ZFAND3: variants seen among roughly 807,000 people sequenced by gnomAD.
The protein encoded by ZFAND3 is zinc finger AN1-type containing 3.
ZFAND3 carries 10 observed loss-of-function variants against 29.6 expected under a neutral mutation model. That is an observed-to-expected ratio of 0.34 (90% CI 0.21 to 0.57). The LOEUF is 0.57. ZFAND3 is among the 20% of genes least tolerant of loss of function. The probability of loss-of-function intolerance (pLI) is 0.86; values close to 1 mark genes in which losing one functional copy is unlikely to be tolerated. For synonymous variants in ZFAND3, 128 were observed against 112.6 expected (o/e 1.14, Z -0.87); for missense variants, 230 against 304.5 (o/e 0.76, Z 1.82).
chr6:38,121,470 G>A (rs1401762311), intron 5 of ZFAND3, among the ~76,000 whole-genome samples: 2 of 152,188 alleles, frequency 1.3e-5, no homozygotes, highest in East Asian at 3.8e-4. Context: ...CAGATTGTTG[G>A]GACCCACACC....
chr6:38,088,118 G>A (rs748650051), intron 4 of ZFAND3, among the ~76,000 whole-genome samples: 1 of 152,156 alleles, frequency 6.6e-6, no homozygotes, highest in Admixed American at 6.5e-5. Flanking sequence ...AGCAACCTAA[G>A]TATCTACCAA....
intron 1 of ZFAND3, among the ~76,000 whole-genome samples, chr6:37,925,934 C>T (rs1321857158): frequency 6.6e-6 from 1 of 152,132 alleles, no homozygotes; most frequent in East Asian, 1.9e-4. Flanking sequence ...ATTTTTGCAT[C>T]TTTCGTGTAT....
intron 2 of ZFAND3, among the ~76,000 whole-genome samples, chr6:37,975,940 A>T (rs1762469922): frequency 6.6e-6 from 1 of 152,032 alleles, no homozygotes; most frequent in Admixed American, 6.6e-5. Flanking sequence ...TGTGGTTGGG[A>T]TTGCTGTGAA....
intron 1 of ZFAND3, among the ~76,000 whole-genome samples, chr6:37,891,586 AAATAAAT>A (rs201269867): frequency 0.071 from 10,246 of 145,208 alleles, 405 homozygotes; most frequent in Non-Finnish European, 0.086. Context: ...TGGGCTAAAT[AAATAAAT>A]AATAAATAAA....
intron 5 of ZFAND3, among the ~76,000 whole-genome samples, chr6:38,127,359 C>A (rs1267846008): frequency 6.6e-6 from 1 of 152,220 alleles, no homozygotes; most frequent in African/African-American, 2.4e-5. Flanking sequence ...GTCAACAAAG[C>A]TGTGTTCTAA....
intron 2 of ZFAND3, among the ~76,000 whole-genome samples, chr6:38,005,601 A>T (rs1763034885): frequency 6.6e-6 from 1 of 152,180 alleles, no homozygotes; most frequent in South Asian, 2.1e-4. Context: ...GAGCTACCTG[A>T]GAGACTGTTT....
At chr6:38,033,291 G>C (rs1333936371) in intron 2 of ZFAND3, among the ~76,000 whole-genome samples, 2 of 152,056 alleles carry the variant, frequency 1.3e-5, no homozygotes, top group Non-Finnish European at 2.9e-5. Context: ...TCAGGAATAG[G>C]CTGGAAAATA....
chr6:37,947,040 C>T lies in ZFAND3; in HGVS notation c.112+17041C>T, dbSNP rs890901113. 1.8e-4 allele frequency among the ~76,000 whole-genome samples: 28 copies of T among 152,140 alleles called. 1 individual carries two copies. The highest frequency in any genetic ancestry group is 1.2e-3 in the South Asian group (6 of 4,826). On this transcript the variant is annotated intron_variant, in intron 2 of 5. Coordinates refer to ENST00000287218, the MANE Select transcript of ZFAND3 (RefSeq NM_021943.3). ...GCCACTGGAACTGTACGATTAAAAA[C>T]GGTTAAGATGGTAAATTTTATGTTA...
intron 2 of ZFAND3, among the ~76,000 whole-genome samples, chr6:37,959,738 A>G (rs1395439979): frequency 6.6e-6 from 1 of 152,204 alleles, no homozygotes; most frequent in Non-Finnish European, 1.5e-5. Context: ...CTGTATTTTG[A>G]AAGTCTTTCC....
At chr6:37,985,304 A>G (rs146658213) in intron 2 of ZFAND3, among the ~76,000 whole-genome samples, 1 of 152,262 alleles carries the variant, frequency 6.6e-6, no homozygotes, top group East Asian at 1.9e-4. Context: ...TAAAACAAAC[A>G]TTTCTTTGTA....
intron 4 of ZFAND3, among the ~76,000 whole-genome samples, chr6:38,112,393 C>T (rs1765337589): frequency 1.3e-5 from 2 of 152,220 alleles, no homozygotes; most frequent in Admixed American, 1.3e-4. Flanking sequence ...ACGGGAGTTC[C>T]TCCTGCTACT....
Position 37,819,990 on chromosome 6 carries a change from G to C in ZFAND3, c.45G>C (p.Pro15=), listed in dbSNP as rs748332594. 1.3e-5 allele frequency: 16 copies of C among 1,221,610 alleles called. No individual in the cohort carries two copies. In the African/African-American group the frequency reaches 2.4e-4, roughly 18 times the overall value. 75.7% of individuals were successfully genotyped at this position (1,221,610 alleles called of 1,614,324 possible). ...GSERSKAPSL[P]PRCPCGFWGS... Reference sequence around the variant, plus strand: ...AGCGCAGCAAAGCGCCCAGCCTGCCGCCTCGCTGTCCCTGCGGCTTCTGGG... The same window carrying C: ...AGCGCAGCAAAGCGCCCAGCCTGCCCCCTCGCTGTCCCTGCGGCTTCTGGG... Residue 15 remains proline, a synonymous_variant, in exon 1 of 6, where the codon CCG becomes CCC. Transcript: ENST00000287218.
intron 1 of ZFAND3, among the ~76,000 whole-genome samples, chr6:37,918,401 C>T (rs1761304614): frequency 6.6e-6 from 1 of 151,950 alleles, no homozygotes; most frequent in Non-Finnish European, 1.5e-5. Flanking sequence ...CCTGGATATC[C>T]TCCAGCTTCT....
chr6:37,985,539 G>A (rs933932725), intron 2 of ZFAND3, among the ~76,000 whole-genome samples: 6 of 132,130 alleles, frequency 4.5e-5, no homozygotes, highest in South Asian at 4.6e-4. Context: ...CCCCACACAC[G>A]CCTGGTGGCA....
At position 38,154,205 on chromosome 6, in the gene ZFAND3, T is replaced by TA. The variant is rs1270983097; in HGVS notation, c.*1817dup. 1.0e-6 allele frequency: 1 copy of TA among 985,416 alleles called. No homozygotes were observed. Among genetic ancestry groups the TA allele is most frequent in the African/African-American group, 1.7e-5 (1 of 57,236 alleles). 61.0% of individuals were successfully genotyped at this position (985,416 alleles called of 1,614,324 possible). On this transcript the variant is annotated 3_prime_UTR_variant, in exon 6 of 6. Coordinates refer to ENST00000287218, the MANE Select transcript of ZFAND3 (RefSeq NM_021943.3). ...CCATCCTCAGTGAGGCAGCCCCCCATAGGCTTCCGCCAAGCTCTGGTCCCG... is the reference window on the plus strand; with the variant it reads ...CCATCCTCAGTGAGGCAGCCCCCCATAAGGCTTCCGCCAAGCTCTGGTCCCG...
At chr6:37,951,601 A>G (rs1051331927) in intron 2 of ZFAND3, among the ~76,000 whole-genome samples, 1 of 152,150 alleles carries the variant, frequency 6.6e-6, no homozygotes, top group Non-Finnish European at 1.5e-5. Context: ...TAAAAAAAAT[A>G]AAAATAAAGA....
intron 2 of ZFAND3, among the ~76,000 whole-genome samples, chr6:38,046,988 T>G (rs1455852055): frequency 6.6e-6 from 1 of 152,072 alleles, no homozygotes; most frequent in East Asian, 1.9e-4. Flanking sequence ...AGCTAAAGTG[T>G]ACTGATCTAG....
chr6:37,990,265 T>C (rs528307657), intron 2 of ZFAND3, among the ~76,000 whole-genome samples: 1 of 152,326 alleles, frequency 6.6e-6, no homozygotes. Flanking sequence ...GCTTAAGCTC[T>C]GGAATGAGAG....
At chr6:38,115,807 T>C (rs1765405392) in intron 4 of ZFAND3, among the ~76,000 whole-genome samples, 1 of 152,012 alleles carries the variant, frequency 6.6e-6, no homozygotes, top group African/African-American at 2.4e-5. Context: ...TGCGTCTTAA[T>C]TACTTTTTTG....
Sources: allele counts gnomAD v4.1 joint callset (sites outside exome capture counted in the v4.1 genomes callset), GRCh38; gene constraint gnomAD v4.1.1; transcripts MANE v1.5; gene names NCBI Gene and HGNC (gene_info 2026-07-23, HGNC 2026-07-21).